ZDHHC8: variants seen among roughly 807,000 people sequenced by gnomAD.
ZDHHC8 encodes palmitoyltransferase ZDHHC8.
ZDHHC8 carries 24 observed loss-of-function variants against 61.2 expected under a neutral mutation model. That is an observed-to-expected ratio of 0.39 (90% confidence interval 0.28 to 0.55). The LOEUF (loss-of-function observed/expected upper bound fraction) is 0.55, where lower values mean the gene tolerates loss of function less well. Among genes scored for constraint, ZDHHC8 ranks in the 20% least tolerant of loss-of-function variants. The pLI is 0.60. For synonymous variants in ZDHHC8, 523 were observed against 492.5 expected, an observed-to-expected ratio of 1.06 and a Z score of -0.82; for missense variants, 935 against 1,102.1, an observed-to-expected ratio of 0.85 and a Z score of 2.15.
intron 10 of ZDHHC8, 79 bp from the exon 11 acceptor site, chr22:20,145,150 C>A: frequency 7.7e-7 from 1 of 1,295,378 alleles, no homozygotes; most frequent in African/African-American, 1.5e-5. Context: ...TCGTCTCTGT[C>A]TTGCTGCCTC....
chr22:20,141,138 C>T, intron 7 of ZDHHC8, 79 bp from the exon 8 acceptor site: 2 of 1,582,612 alleles, frequency 1.3e-6, no homozygotes, highest in Non-Finnish European at 1.7e-6. Context: ...TGGGAGGGGG[C>T]TAGGTCCCAG....
At chr22:20,136,227 C>T (rs561782448) in intron 1 of ZDHHC8, among the ~76,000 whole-genome samples, 2 of 152,352 alleles carry the variant, frequency 1.3e-5, no homozygotes, top group Admixed American at 1.3e-4. Context: ...CTTTGCCTGG[C>T]CCTCCGGCAG....
rs148553691 is a variant in ZDHHC8, at chr22:20,139,479, G to T, written c.228G>T (p.Ala76=). The T allele has an allele frequency of 1.2e-6, 2 of 1,613,608 alleles. No homozygotes were observed. The highest frequency in any genetic ancestry group is 1.7e-6 in the Non-Finnish European group (2 of 1,179,910). The change falls in exon 3 of 11, where the codon GCG becomes GCT. Residue 76 remains alanine (A), a splice_region_variant and synonymous_variant. Coordinates refer to ENST00000334554, the MANE Select transcript of ZDHHC8 (RefSeq NM_013373.4). The stretch of plus-strand genomic sequence containing the variant: ...CACTGCCTGGCTCCTGGTCTGTAGC[G>T]GATGAGGATGAGGACAAGGAGGACG... The part of the protein sequence containing the change: ...TFMDPGVFPR[A]DEDEDKEDDF...
intron 10 of ZDHHC8, 88 bp downstream of exon 10, chr22:20,143,844 G>A: frequency 1.4e-6 from 2 of 1,440,110 alleles, no homozygotes; most frequent in Non-Finnish European, 1.8e-6. Flanking sequence ...GCACTCATAG[G>A]TCATCCCAGG....
rs772840221 is a variant in ZDHHC8, at chr22:20,143,138, G to T, written c.1508G>T (p.Gly503Val). 3 of 1,611,816 alleles carry T rather than the reference G, an allele frequency of 1.9e-6. No homozygotes were observed. Among genetic ancestry groups the T allele is most frequent in the Non-Finnish European group, 2.5e-6 (3 of 1,179,834 alleles). Residue 503 changes from glycine (G) to valine (V), a missense_variant, in exon 10 of 11, where the codon GGA (glycine) becomes GTA (valine). By Grantham distance (109) the Gly-to-Val change is moderately radical. Coordinates refer to ENST00000334554, the MANE Select transcript of ZDHHC8 (RefSeq NM_013373.4). ...GCCCACCCAGCAGTTGGCGTGGCCG[G>T]ATACCACTCACCCTACCTGCATCCT... ...CPAHPAVGVAGYHSPYLHPGA... is the reference protein window; with the variant it reads ...CPAHPAVGVAVYHSPYLHPGA...
intron 1 of ZDHHC8, among the ~76,000 whole-genome samples, chr22:20,132,808 C>T (rs181962627): frequency 1.3e-5 from 2 of 152,226 alleles, no homozygotes; most frequent in African/African-American, 2.4e-5. Context: ...GAGAGGCATG[C>T]GGACAGCACA....
intron 1 of ZDHHC8, among the ~76,000 whole-genome samples, chr22:20,138,003 C>T (rs565937189): frequency 3.3e-5 from 5 of 152,384 alleles, no homozygotes; most frequent in East Asian, 1.9e-4. Context: ...TCGTGGGAAG[C>T]GGAGTCTTTA....
At position 20,142,897 on chromosome 22, in the gene ZDHHC8, T is replaced by C; in HGVS notation, c.1267T>C (p.Ser423Pro). 1 of 1,611,042 alleles carries C rather than the reference T, an allele frequency of 6.2e-7. No homozygotes were observed. The highest frequency in any genetic ancestry group is 1.1e-5 in the South Asian group (1 of 90,928). Reference protein sequence around the residue: ...AYPPSPPLSASDAFSGALRSL... With the variant: ...AYPPSPPLSAPDAFSGALRSL... ...CCCGCCATCCCCACCGCTCAGCGCC[T>C]CTGATGCCTTCTCGGGCGCTTTGCG... The change falls in exon 10 of 11, where the codon TCT becomes CCT. Residue 423 changes from serine (S) to proline (P), a missense_variant. Coordinates refer to ENST00000334554, the MANE Select transcript of ZDHHC8 (RefSeq NM_013373.4).
At chr22:20,133,040 G>A (rs560800652) in intron 1 of ZDHHC8, among the ~76,000 whole-genome samples, 6 of 152,240 alleles carry the variant, frequency 3.9e-5, no homozygotes, top group African/African-American at 1.2e-4. Context: ...GCTGCCTGGC[G>A]CTCGTCACCT....
In ZDHHC8 at chr22:20,132,065, G is replaced by A. The variant is rs544314831; in HGVS notation, c.104+14G>A. 268 of 1,272,352 alleles carry A rather than the reference G, an allele frequency of 2.1e-4. No homozygotes were observed. Among genetic ancestry groups the A allele is most frequent in the South Asian group, 8.5e-4 (48 of 56,308 alleles). The allele number at this position is 1,272,352 out of a possible 1,614,324, so 78.8% of individuals were successfully genotyped here. The stretch of plus-strand genomic sequence containing the variant: ...CTTCGTGTTCACGTGAGTCGGCGCC[G>A]CGTCTGGGGGCACGCGGGCAGCGAT... On this transcript the variant is annotated intron_variant, in intron 1 of 10. Coordinates refer to ENST00000334554, the MANE Select transcript of ZDHHC8 (RefSeq NM_013373.4).
chr22:20,145,195 G>A, intron 10 of ZDHHC8, 34 bp from the exon 11 acceptor site: 8 of 1,414,276 alleles, frequency 5.7e-6, no homozygotes, highest in Non-Finnish European at 7.4e-6. Flanking sequence ...TGTGTTCACC[G>A]TGTGCATGTG....
At chr22:20,140,325 T>C in intron 5 of ZDHHC8, 108 bp downstream of exon 5, 1 of 1,173,964 alleles carries the variant, frequency 8.5e-7, no homozygotes, top group Non-Finnish European at 1.2e-6. Flanking sequence ...CTTGTGCAGC[T>C]GTGTTGAGAC....
intron 6 of ZDHHC8, 26 bp downstream of exon 6, chr22:20,140,734 A>AG (rs1568993423): frequency 1.9e-6 from 3 of 1,603,388 alleles, no homozygotes; most frequent in South Asian, 2.2e-5. Flanking sequence ...GGCAGGGTGG[A>AG]GGGGGGCCTC....
In ZDHHC8 at chr22:20,147,173, C is replaced by T; in HGVS notation, c.*1773C>T. On this transcript the variant is annotated 3_prime_UTR_variant, in exon 11 of 11. Transcript: ENST00000334554. ...GCCGCCGGGGCACCCCCACGCGGGG[C>T]CATGTGCCGCCTGCACTTGGCTGCC... 1.3e-6 allele frequency: 2 copies of T among 1,525,024 alleles called. No homozygotes were observed. Among genetic ancestry groups the T allele is most frequent in the South Asian group, 2.4e-5 (2 of 81,674 alleles). 94.5% of individuals were successfully genotyped at this position (1,525,024 alleles called of 1,614,324 possible).
intron 5 of ZDHHC8, 38 bp downstream of exon 5, chr22:20,140,255 CGAGA>C (rs760579853): frequency 6.3e-7 from 1 of 1,585,896 alleles, no homozygotes; most frequent in Non-Finnish European, 8.6e-7. Flanking sequence ...CCCAAAGGGC[CGAGA>C]GAGTTGGGGC....
At position 20,141,354 on chromosome 22, in the gene ZDHHC8, C is replaced by A. The variant is rs1322244712; in HGVS notation, c.1015+17C>A. On this transcript the variant is annotated intron_variant, in intron 8 of 10. Transcript: ENST00000334554. ...GCAGTGCTGGTGAGGTTGGGGCAGC[C>A]ACGACTAGGGAGGGATATGGGTTGA... The A allele has an allele frequency of 6.2e-7, 1 of 1,611,422 alleles. No individual in the cohort carries two copies. Among genetic ancestry groups the A allele is most frequent in the South Asian group, 1.1e-5 (1 of 90,902 alleles).
At chr22:20,135,036 A>T (rs2050408283) in intron 1 of ZDHHC8, among the ~76,000 whole-genome samples, 1 of 152,028 alleles carries the variant, frequency 6.6e-6, no homozygotes, top group African/African-American at 2.4e-5. Context: ...GGCGCAAGTG[A>T]TCATCCCACC....
At chr22:20,133,302 A>T (rs977141445) in intron 1 of ZDHHC8, among the ~76,000 whole-genome samples, 1 of 151,770 alleles carries the variant, frequency 6.6e-6, no homozygotes, top group Non-Finnish European at 1.5e-5. Flanking sequence ...CTGGGGGGAC[A>T]CATCCCACCA....
At chr22:20,141,129 G>A in intron 7 of ZDHHC8, 88 bp from the exon 8 acceptor site, 1 of 1,581,106 alleles carries the variant, frequency 6.3e-7, no homozygotes, top group Middle Eastern at 2.2e-4. Context: ...ACAGATTCTT[G>A]GGAGGGGGCT....
Sources: gnomAD v4.1 joint callset for allele counts (sites outside exome capture counted in the v4.1 genomes callset) on GRCh38, gnomAD v4.1.1 for gene constraint, MANE v1.5 for transcripts, NCBI Gene and HGNC (gene_info 2026-07-23, HGNC 2026-07-21) for gene names.